FAM184A: variants seen among roughly 807,000 people sequenced by gnomAD.
FAM184A encodes protein FAM184A.
In FAM184A, 99 loss-of-function variants were observed where a neutral mutation model predicts 143.8. That is an observed-to-expected ratio of 0.69 (90% CI 0.58 to 0.81). The LOEUF (loss-of-function observed/expected upper bound fraction) is 0.81. FAM184A is among the 40% of genes least tolerant of loss of function. The pLI is 0.00. For synonymous variants in FAM184A, 427 were observed against 446.4 expected (o/e 0.96, Z 0.55); for missense variants, 1,217 against 1,310.5 (o/e 0.93, Z 1.10).
intron 1 of FAM184A, among the ~76,000 whole-genome samples, chr6:119,026,487 A>G (rs1442227817): frequency 6.6e-6 from 1 of 151,770 alleles, no homozygotes; most frequent in Non-Finnish European, 1.5e-5. Flanking sequence ...TATAATTCTA[A>G]GCCCCCAACC....
intron 9 of FAM184A, among the ~76,000 whole-genome samples, chr6:118,999,299 T>C (rs1784676069): frequency 1.3e-5 from 2 of 152,220 alleles, no homozygotes; most frequent in South Asian, 4.1e-4. Flanking sequence ...TACTTCAATA[T>C]AAAAGTCATA....
Position 119,137,345 on chromosome 6 carries a change from A to G in FAM184A, c.-202+11733T>C, listed in dbSNP as rs374555498. On this transcript the variant is annotated intron_variant, in intron 1 of 16. Transcript: ENST00000352896. Reference sequence around the variant, plus strand: ...CAGAGAGAGAGAAGAGAGATAAGAGAGAGGAAGAGCTCTTTCTCCATTTTG... The same window carrying G: ...CAGAGAGAGAGAAGAGAGATAAGAGGGAGGAAGAGCTCTTTCTCCATTTTG... Among the ~76,000 whole-genome samples the G allele has an allele frequency of 8.5e-5, 13 of 152,190 alleles. No homozygotes were observed. In the East Asian group the frequency reaches 2.5e-3, roughly 29 times the overall value.
intron 1 of FAM184A, among the ~76,000 whole-genome samples, chr6:119,103,989 G>A (rs1214380554): frequency 6.6e-6 from 1 of 150,666 alleles, no homozygotes; most frequent in Non-Finnish European, 1.5e-5. Context: ...AATGTATTGT[G>A]CCATATTTTG....
At chr6:119,093,490 T>G (rs1788426570) in intron 1 of FAM184A, among the ~76,000 whole-genome samples, 1 of 152,230 alleles carries the variant, frequency 6.6e-6, no homozygotes, top group African/African-American at 2.4e-5. Context: ...CATAGATCTT[T>G]TCCTCTTTCC....
At chr6:119,089,536 C>T (rs543495707) in intron 1 of FAM184A, among the ~76,000 whole-genome samples, 51 of 152,264 alleles carry the variant, frequency 3.3e-4, no homozygotes, top group African/African-American at 1.2e-3. Flanking sequence ...CTCCTGGTCT[C>T]GAGTAATCCT....
At chr6:119,069,636 T>G (rs1047648239) in intron 1 of FAM184A, among the ~76,000 whole-genome samples, 1 of 152,170 alleles carries the variant, frequency 6.6e-6, no homozygotes, top group African/African-American at 2.4e-5. Flanking sequence ...ATTCATGGAT[T>G]TGGCCTAATA....
intron 9 of FAM184A, among the ~76,000 whole-genome samples, chr6:118,992,797 G>A (rs1206058657): frequency 2.6e-5 from 4 of 152,118 alleles, no homozygotes; most frequent in Non-Finnish European, 5.9e-5. Flanking sequence ...TGGCATAGTG[G>A]CATGTACCTG....
At chr6:119,109,623 C>T (rs146518650) in intron 1 of FAM184A, among the ~76,000 whole-genome samples, 24 of 152,314 alleles carry the variant, frequency 1.6e-4, no homozygotes, top group African/African-American at 5.8e-4. Flanking sequence ...TGGCATTTCA[C>T]AAATGAGTTA....
At chr6:119,031,712 G>A (rs1175353754) in intron 1 of FAM184A, among the ~76,000 whole-genome samples, 2 of 152,144 alleles carry the variant, frequency 1.3e-5, no homozygotes, top group Non-Finnish European at 2.9e-5. Context: ...TATTAGCTTA[G>A]TAATGTAAAA....
intron 1 of FAM184A, among the ~76,000 whole-genome samples, chr6:119,143,513 C>T (rs190586403): frequency 9.9e-5 from 15 of 152,264 alleles, no homozygotes; most frequent in African/African-American, 3.6e-4. Flanking sequence ...TTTGTGCACT[C>T]GTGTACACAG....
intron 1 of FAM184A, among the ~76,000 whole-genome samples, chr6:119,108,128 A>T (rs865974468): frequency 3.4e-5 from 5 of 147,264 alleles, no homozygotes; most frequent in Non-Finnish European, 6.0e-5. Context: ...AGCACTTGTT[A>T]GTGTGTGTGT....
intron 1 of FAM184A, among the ~76,000 whole-genome samples, chr6:119,038,942 G>A (rs915254398): frequency 1.3e-5 from 2 of 152,022 alleles, no homozygotes; most frequent in Non-Finnish European, 2.9e-5. Flanking sequence ...AATGTACAAA[G>A]AACACTTACA....
At chr6:118,977,677 C>T (rs1359345745) in intron 11 of FAM184A, among the ~76,000 whole-genome samples, 5 of 152,044 alleles carry the variant, frequency 3.3e-5, no homozygotes, top group Non-Finnish European at 7.4e-5. Context: ...GTAATGGTTG[C>T]CAGGTGTTAT....
At chr6:119,026,687 C>G (rs1047555857) in intron 1 of FAM184A, among the ~76,000 whole-genome samples, 1 of 152,054 alleles carries the variant, frequency 6.6e-6, no homozygotes. Context: ...GATCATAAGA[C>G]TGACAAAACA....
At chr6:119,117,665 G>A (rs1789096033) in intron 1 of FAM184A, among the ~76,000 whole-genome samples, 1 of 152,184 alleles carries the variant, frequency 6.6e-6, no homozygotes, top group Admixed American at 6.5e-5. Context: ...ACAACCCTGT[G>A]AAGTATACAG....
intron 1 of FAM184A, among the ~76,000 whole-genome samples, chr6:119,052,285 T>C (rs901880387): frequency 1.3e-5 from 2 of 152,228 alleles, no homozygotes; most frequent in South Asian, 4.1e-4. Context: ...GATACAAATA[T>C]GTTACCTAAG....
rs1250453977 is a variant in FAM184A, at chr6:118,970,004, A to ATTTTTT, written c.2916-3053_2916-3052insAAAAAA. Among the ~76,000 whole-genome samples the ATTTTTT allele has an allele frequency of 2.6e-4, 6 of 22,988 alleles. 2 individuals carry two copies. The highest frequency in any genetic ancestry group is 4.4e-4 in the Non-Finnish European group (5 of 11,368). 15.1% of individuals were successfully genotyped at this position (22,988 alleles called of 152,430 possible). A position where few individuals can be genotyped will look rare whatever the true frequency, so the allele number is the denominator to read the frequency against. ...GTGTATATATATATAATATATATAT[A>ATTTTTT]TATATTTTTTTTTTTTTGAGATGGA... On this transcript the variant is annotated intron_variant, in intron 14 of 17. Transcript: ENST00000338891.
In FAM184A at chr6:118,974,706, G is replaced by A. The variant is rs17080763; in HGVS notation, c.2769-132C>T. 2,869 of 718,934 alleles carry A rather than the reference G, an allele frequency of 4.0e-3. 57 individuals are homozygous for A. The African/African-American group carries it at 0.048, about 12-fold the overall frequency. 44.5% of individuals were successfully genotyped at this position (718,934 alleles called of 1,614,324 possible). On this transcript the variant is annotated intron_variant, in intron 13 of 17. Transcript: ENST00000338891. The stretch of plus-strand genomic sequence containing the variant: ...AATTTATGTAAACAGCCTAAATTAA[G>A]CTACTTACTTTCTGCTATAAGCTTC...
chr6:119,011,344 CT>C lies in FAM184A; in HGVS notation c.1617del (p.Val540TyrfsTer6). 1 of 1,609,474 alleles carries C rather than the reference CT, an allele frequency of 6.2e-7. No homozygotes were observed. The highest frequency in any genetic ancestry group is 1.1e-5 in the South Asian group (1 of 90,072). Reference sequence around the variant, plus strand: ...GCTGTATTCAACTTGTCTTCCAGTACTTCCTTTAGGTTTTCTAGCTCTTGTT... The same window carrying C: ...GCTGTATTCAACTTGTCTTCCAGTACTCCTTTAGGTTTTCTAGCTCTTGTT... ...QLQQELENLK[E>X]VLEDKLNTAN... On this transcript the variant is annotated frameshift_variant, in exon 6 of 18. Transcript: ENST00000338891. LOFTEE classifies it high-confidence loss of function.
Sources: allele counts gnomAD v4.1 joint callset (sites outside exome capture counted in the v4.1 genomes callset), GRCh38; gene constraint gnomAD v4.1.1; transcripts MANE v1.5; gene names NCBI Gene and HGNC (gene_info 2026-07-23, HGNC 2026-07-21).